Variants in DNAH11 observed in about 807,000 individuals in gnomAD.
DNAH11 encodes dynein axonemal heavy chain 11.
DNAH11 carries 442 observed loss-of-function variants against 526.0 expected under a neutral mutation model. The observed-to-expected ratio is 0.84, with a 90% CI of 0.78 to 0.91. The LOEUF (loss-of-function observed/expected upper bound fraction) is 0.91. Among genes scored for constraint, DNAH11 ranks in the 40% least tolerant of loss-of-function variants. The pLI is 0.00. For missense variants in DNAH11, 6,989 were observed against 5,448.7 expected (o/e 1.28, Z -8.90); for synonymous variants, 2,461 against 1,935.9 (o/e 1.27, Z -7.12).
chr7:21,765,671 T>G (rs984637079), intron 55 of DNAH11, 82 bp downstream of exon 55: 1 of 1,398,050 alleles, frequency 7.2e-7, no homozygotes, highest in African/African-American at 1.5e-5. Context: ...CTGAAAATCC[T>G]CAGTAGGTAA....
In DNAH11 at chr7:21,588,193, A is replaced by C; in HGVS notation, c.1840A>C (p.Met614Leu). The stretch of plus-strand genomic sequence containing the variant: ...GTGTAAGCAACTGTATAATGAACAC[A>C]TGAAACAGGTAAGTGGTGGATAAGG... ...DVCKQLYNEH[M>L]KQIECGHVVL... is the part of the protein sequence containing the mutation. The change falls in exon 10 of 82, where the codon ATG becomes CTG. Residue 614 changes from methionine to leucine, a missense_variant. Coordinates refer to ENST00000409508, the MANE Select transcript of DNAH11 (RefSeq NM_001277115.2). 1.2e-6 allele frequency: 2 copies of C among 1,611,314 alleles called. No individual in the cohort carries two copies. The highest frequency in any genetic ancestry group is 1.7e-6 in the Non-Finnish European group (2 of 1,179,046).
chr7:21,775,918 A>G (rs77946203), intron 56 of DNAH11, among the ~76,000 whole-genome samples: 14 of 152,286 alleles, frequency 9.2e-5, no homozygotes, highest in East Asian at 3.9e-4. Flanking sequence ...TGAGCTTTCA[A>G]TACTGTGGGG....
chr7:21,836,849 C>T (rs1782014578), intron 65 of DNAH11, among the ~76,000 whole-genome samples: 1 of 152,062 alleles, frequency 6.6e-6, no homozygotes, highest in African/African-American at 2.4e-5. Flanking sequence ...ATGCCTCTGA[C>T]AGTCAAGAGC....
At chr7:21,724,721 A>G (rs1307109868) in intron 44 of DNAH11, among the ~76,000 whole-genome samples, 1 of 150,548 alleles carries the variant, frequency 6.6e-6, no homozygotes, top group African/African-American at 2.4e-5. Context: ...TAACTGGGCC[A>G]GGTCATCCTA....
rs1335687465 is a variant in DNAH11 at position 21,658,963 on chromosome 7, G to A, written c.5260G>A (p.Val1754Ile). ...TSSQIWWTTD[V>I]GIAFSRLEEG... Reference sequence around the variant, plus strand: ...CTCACAAATATGGTGGACCACAGATGTAGGAATAGCCTTCAGTAGACTGGA... The same window carrying A: ...CTCACAAATATGGTGGACCACAGATATAGGAATAGCCTTCAGTAGACTGGA... Residue 1754 changes from valine to isoleucine, a missense_variant, in exon 30 of 82, where the codon GTA becomes ATA. Physicochemically the swap from Val to Ile is conservative, Grantham distance 29. Coordinates refer to ENST00000409508, the MANE Select transcript of DNAH11 (RefSeq NM_001277115.2). 6.2e-7 allele frequency: 1 copy of A among 1,610,822 alleles called. No homozygotes were observed.
At chr7:21,656,176 T>C (rs1026656500) in intron 29 of DNAH11, among the ~76,000 whole-genome samples, 195 bp downstream of exon 29, 1 of 152,184 alleles carries the variant, frequency 6.6e-6, no homozygotes, top group African/African-American at 2.4e-5. Context: ...TCTACTCATG[T>C]GGCTTTGGCA....
chr7:21,702,080 A>C (rs571445869), intron 36 of DNAH11, among the ~76,000 whole-genome samples: 3 of 152,338 alleles, frequency 2.0e-5, no homozygotes, highest in East Asian at 1.9e-4. Flanking sequence ...AATTGGTCCC[A>C]GGGAGCATGG....
chr7:21,581,810 C>G (rs932140254), intron 8 of DNAH11, 95 bp from the exon 9 acceptor site: 8 of 742,230 alleles, frequency 1.1e-5, no homozygotes, highest in Admixed American at 4.5e-5. Context: ...AGAGAGCGAG[C>G]GAGAGAGAGC....
intron 52 of DNAH11, among the ~76,000 whole-genome samples, 183 bp downstream of exon 52, chr7:21,748,925 G>A (rs1786280491): frequency 1.3e-5 from 2 of 152,158 alleles, no homozygotes; most frequent in African/African-American, 4.8e-5. Flanking sequence ...GGTCAAATTA[G>A]TAATAATAAA....
At chr7:21,547,251 TG>T (rs1307844545) in intron 2 of DNAH11, among the ~76,000 whole-genome samples, 9 of 152,246 alleles carry the variant, frequency 5.9e-5, no homozygotes, top group Admixed American at 5.2e-4. Flanking sequence ...AATTTCGTAG[TG>T]TTTTATCCAC....
rs1784647581 is a variant in DNAH11 at position 21,899,243 on chromosome 7, C to T, written c.13050-93C>T. The T allele has an allele frequency of 7.3e-6, 7 of 964,692 alleles. No individual in the cohort carries two copies. The South Asian group carries it at 9.1e-5, about 13-fold the overall frequency. 59.8% of individuals were successfully genotyped at this position (964,692 alleles called of 1,614,324 possible). A position where few individuals can be genotyped will look rare whatever the true frequency, so the allele number is the denominator to read the frequency against. ...TAGCAGTGGTATACTTCTCCTCCAC[C>T]ACCACCCTGCCCTAACCGCCCACAA... On this transcript the variant is annotated intron_variant, in intron 79 of 81. Coordinates refer to ENST00000409508, the MANE Select transcript of DNAH11 (RefSeq NM_001277115.2).
At chr7:21,870,799 T>G (rs1256425840) in intron 73 of DNAH11, among the ~76,000 whole-genome samples, 1 of 152,244 alleles carries the variant, frequency 6.6e-6, no homozygotes, top group African/African-American at 2.4e-5. Context: ...TTGATTTTTG[T>G]TGTTAGAGCT....
chr7:21,802,188 A>G (rs1789024300), intron 62 of DNAH11, among the ~76,000 whole-genome samples: 1 of 152,248 alleles, frequency 6.6e-6, no homozygotes, highest in African/African-American at 2.4e-5. Context: ...TTGAATAGAC[A>G]TTTCTCCATA....
intron 66 of DNAH11, among the ~76,000 whole-genome samples, chr7:21,846,343 G>A (rs1415468398): frequency 6.6e-6 from 1 of 152,140 alleles, no homozygotes; most frequent in African/African-American, 2.4e-5. Flanking sequence ...TAAGTACAAT[G>A]TAAGCTATGA....
At chr7:21,582,636 T>G (rs953371640) in intron 9 of DNAH11, among the ~76,000 whole-genome samples, 2 of 152,120 alleles carry the variant, frequency 1.3e-5, no homozygotes, top group Non-Finnish European at 2.9e-5. Flanking sequence ...GAAAAGCATC[T>G]CAATAGTGTC....
chr7:21,786,114 C>G (rs759426479), intron 58 of DNAH11, among the ~76,000 whole-genome samples: 85 of 152,150 alleles, frequency 5.6e-4, no homozygotes, highest in Non-Finnish European at 1.0e-3. Context: ...TTCAGCCTAT[C>G]TTGGCCCTCT....
intron 56 of DNAH11, among the ~76,000 whole-genome samples, chr7:21,777,511 T>A (rs1251810579): frequency 6.6e-6 from 1 of 152,200 alleles, no homozygotes; most frequent in Non-Finnish European, 1.5e-5. Flanking sequence ...CCATAATGGC[T>A]GTGACATAAT....
intron 28 of DNAH11, among the ~76,000 whole-genome samples, chr7:21,649,682 G>A (rs1261830360): frequency 6.7e-6 from 1 of 149,332 alleles, no homozygotes; most frequent in African/African-American, 2.5e-5. Context: ...TCTGTAGATG[G>A]AGTCTCACTC....
intron 62 of DNAH11, among the ~76,000 whole-genome samples, chr7:21,802,474 C>A (rs1331779177): frequency 6.6e-6 from 1 of 152,030 alleles, no homozygotes; most frequent in Non-Finnish European, 1.5e-5. Context: ...TAGGTATATA[C>A]CCTAAAGAAA....
Sources: allele counts gnomAD v4.1 joint callset (sites outside exome capture counted in the v4.1 genomes callset), GRCh38; gene constraint gnomAD v4.1.1; transcripts MANE v1.5; gene names NCBI Gene and HGNC (gene_info 2026-07-23, HGNC 2026-07-21).